Variants in DMD observed in about 807,000 individuals in gnomAD.
DMD encodes dystrophin.
Under a neutral mutation model 330.1 loss-of-function variants are expected in DMD, and 63 were observed. The ratio of observed to expected loss-of-function variants is 0.19; its 90% confidence interval spans 0.16 to 0.24. The LOEUF is 0.24. Ranked by LOEUF, DMD falls within the 10% of genes least tolerant of loss-of-function variation. DMD has a pLI of 1.00. For synonymous variants in DMD, 1,223 were observed against 959.8 expected (o/e 1.27, Z -5.07); for missense variants, 3,344 against 2,684.1 (o/e 1.25, Z -5.43).
At chrX:32,219,645 C>T (rs761332718) in intron 43 of DMD, among the ~76,000 whole-genome samples, 5 of 111,485 alleles carry the variant, frequency 4.5e-5, no homozygotes, top group South Asian at 7.6e-4. Flanking sequence ...CAGTTGGTCA[C>T]GACTTACCAC....
At chrX:31,125,913 T>C (rs1251001976) in intron 78 of DMD, among the ~76,000 whole-genome samples, 1 of 112,174 alleles carries the variant, frequency 8.9e-6, no homozygotes, top group Non-Finnish European at 1.9e-5. Flanking sequence ...GTTGAGATGA[T>C]GTAAGCCTTT....
intron 2 of DMD, among the ~76,000 whole-genome samples, chrX:32,898,888 TG>T (rs1375199823): frequency 8.9e-6 from 1 of 111,790 alleles, no homozygotes; most frequent in Non-Finnish European, 1.9e-5. Context: ...AATTTTTAAT[TG>T]GAAAACCTTT....
intron 13 of DMD, among the ~76,000 whole-genome samples, chrX:32,590,552 C>G (rs2054792431): frequency 9.0e-6 from 1 of 111,696 alleles, no homozygotes; most frequent in South Asian, 3.8e-4. Flanking sequence ...TAGACTAGAA[C>G]AAAGCCAGGA....
chrX:31,385,176 C>G (rs751621192), intron 60 of DMD, among the ~76,000 whole-genome samples: 1 of 112,099 alleles, frequency 8.9e-6, no homozygotes, highest in African/African-American at 3.2e-5. Flanking sequence ...AATTTCTCCT[C>G]TGCTGGTACA....
intron 11 of DMD, among the ~76,000 whole-genome samples, chrX:32,615,815 T>C (rs996414068): frequency 8.9e-6 from 1 of 111,814 alleles, no homozygotes; most frequent in Non-Finnish European, 1.9e-5. Flanking sequence ...ATTAACATCT[T>C]ATGTTATTAT....
intron 33 of DMD, among the ~76,000 whole-genome samples, chrX:32,385,125 T>A (rs377347706): frequency 9.0e-6 from 1 of 110,763 alleles, no homozygotes; most frequent in East Asian, 2.8e-4. Context: ...AGAACGAAGC[T>A]GGAGGTATCA....
chrX:31,459,575 C>A (rs1307751573), intron 59 of DMD, among the ~76,000 whole-genome samples: 1 of 111,615 alleles, frequency 9.0e-6, no homozygotes, highest in Non-Finnish European at 1.9e-5. Flanking sequence ...TGCATAATCC[C>A]GGAAAACCAA....
chrX:32,580,796 T>A (rs2053572823), intron 13 of DMD, among the ~76,000 whole-genome samples: 1 of 111,799 alleles, frequency 8.9e-6, no homozygotes, highest in Non-Finnish European at 1.9e-5. Flanking sequence ...TTTACAATTT[T>A]AAACAACAGG....
At chrX:31,519,489 G>C (rs774679570) in intron 55 of DMD, among the ~76,000 whole-genome samples, 12 of 111,411 alleles carry the variant, frequency 1.1e-4, no homozygotes, top group African/African-American at 3.9e-4. Context: ...TAATTATTAG[G>C]GTTGTAAATG....
intron 7 of DMD, among the ~76,000 whole-genome samples, chrX:32,775,808 A>G (rs368379847): frequency 2.4e-4 from 27 of 112,706 alleles, no homozygotes; most frequent in African/African-American, 8.7e-4. Flanking sequence ...GCTTCTCTTT[A>G]CTTATGCAAA....
Position 32,636,552 on chromosome X carries a change from C to G in DMD, c.1331+7580G>C, listed in dbSNP as rs190001374. 3.1e-3 allele frequency among the ~76,000 whole-genome samples: 348 copies of G among 112,245 alleles called. 2 individuals are homozygous for G. The highest frequency in any genetic ancestry group is 4.8e-3 in the Admixed American group (51 of 10,634). On this transcript the variant is annotated intron_variant, in intron 11 of 78. Coordinates refer to ENST00000357033, the MANE Select transcript of DMD (RefSeq NM_004006.3). Reference sequence around the variant, plus strand: ...TCAAATCCTGATCCATTTTTGTCCTCCATCCATATAGCTGAACAGTTTAAT... The same window carrying G: ...TCAAATCCTGATCCATTTTTGTCCTGCATCCATATAGCTGAACAGTTTAAT...
At position 31,951,122 on chromosome X, in the gene DMD, CAT is replaced by C. The variant is rs767693982; in HGVS notation, c.6614+17215_6614+17216del. Among the ~76,000 whole-genome samples the C allele has an allele frequency of 6.0e-3, 390 of 65,345 alleles. 3 individuals are homozygous for C. Among genetic ancestry groups the C allele is most frequent in the South Asian group, 0.014 (22 of 1,573 alleles). The allele number at this position is 65,345 out of a possible 115,157, so 56.7% of individuals were successfully genotyped here. A position where few individuals can be genotyped will look rare whatever the true frequency, so the allele number is the denominator to read the frequency against. ...TTTAAACACACATACTATATATATA[CAT>C]ATATATATATATATATGTGTATATA... On this transcript the variant is annotated intron_variant, in intron 45 of 78. Coordinates refer to ENST00000357033, the MANE Select transcript of DMD (RefSeq NM_004006.3).
intron 1 of DMD, among the ~76,000 whole-genome samples, chrX:33,036,721 C>T (rs1394573266): frequency 9.0e-6 from 1 of 110,992 alleles, no homozygotes; most frequent in Non-Finnish European, 1.9e-5. Context: ...ACATTGAATA[C>T]ATTAAATAGA....
At chrX:31,465,376 C>A (rs2066785176) in intron 59 of DMD, among the ~76,000 whole-genome samples, 1 of 110,392 alleles carries the variant, frequency 9.1e-6, no homozygotes, top group South Asian at 4.0e-4. Flanking sequence ...CCTCGACAGG[C>A]CCCGGTGTGT....
At chrX:31,282,264 A>G (rs1295153745) in intron 62 of DMD, among the ~76,000 whole-genome samples, 1 of 112,088 alleles carries the variant, frequency 8.9e-6, no homozygotes, top group South Asian at 3.7e-4. Context: ...TTGTAATCAA[A>G]TGTAATGACG....
intron 49 of DMD, among the ~76,000 whole-genome samples, chrX:31,825,896 CAT>C (rs2092884432): frequency 9.0e-6 from 1 of 111,621 alleles, no homozygotes; most frequent in African/African-American, 3.3e-5. Flanking sequence ...CCACCTAACT[CAT>C]AGCTTTGTTG....
intron 29 of DMD, among the ~76,000 whole-genome samples, chrX:32,418,846 G>A (rs760883274): frequency 1.6e-4 from 17 of 107,612 alleles, no homozygotes; most frequent in East Asian, 8.8e-4. Context: ...GGTGGCAGGC[G>A]CCTGTAGTCC....
chrX:31,617,414 A>G (rs1418572602), intron 55 of DMD, among the ~76,000 whole-genome samples: 2 of 109,427 alleles, frequency 1.8e-5, no homozygotes, highest in African/African-American at 6.7e-5. Context: ...GGCGCCTCTA[A>G]TCCCAGCTAC....
At chrX:31,803,704 CTTT>C (rs201316189) in intron 50 of DMD, among the ~76,000 whole-genome samples, 1 of 89,408 alleles carries the variant, frequency 1.1e-5, no homozygotes, top group Non-Finnish European at 2.1e-5. Context: ...CTCTCTCTTT[CTTT>C]TTATTTTTTG....
Sources: allele counts gnomAD v4.1 joint callset (sites outside exome capture counted in the v4.1 genomes callset), GRCh38; gene constraint gnomAD v4.1.1; transcripts MANE v1.5; gene names NCBI Gene and HGNC (gene_info 2026-07-23, HGNC 2026-07-21).